Variants in ADAM18 observed in about 807,000 individuals in gnomAD.
The protein encoded by ADAM18 is disintegrin and metalloproteinase domain-containing protein 18.
A neutral mutation model predicts 94.4 loss-of-function variants in ADAM18; 117 were observed. The observed-to-expected ratio is 1.24, with a 90% CI of 1.07 to 1.45. The LOEUF (loss-of-function observed/expected upper bound fraction) is 1.45. Ranked by LOEUF, ADAM18 falls within the 40% of genes most tolerant of loss-of-function variation. ADAM18 has a pLI of 0.00. For missense variants in ADAM18, 936 were observed against 880.0 expected (o/e 1.06, Z -0.81); for synonymous variants, 327 against 291.6 (o/e 1.12, Z -1.24).
At chr8:39,626,954 C>CT (rs1358971639) in intron 6 of ADAM18, among the ~76,000 whole-genome samples, 1 of 152,084 alleles carries the variant, frequency 6.6e-6, no homozygotes, top group Non-Finnish European at 1.5e-5. Flanking sequence ...TCTTTGTTGA[C>CT]TTTCTGCCTT....
intron 16 of ADAM18, among the ~76,000 whole-genome samples, chr8:39,680,718 A>G (rs1821433848): frequency 6.6e-6 from 1 of 152,200 alleles, no homozygotes; most frequent in African/African-American, 2.4e-5. Context: ...ACTTCTATCT[A>G]TGTAGTCATA....
intron 17 of ADAM18, among the ~76,000 whole-genome samples, chr8:39,705,281 A>G (rs1471475743): frequency 3.3e-5 from 5 of 152,140 alleles, no homozygotes; most frequent in Non-Finnish European, 5.9e-5. Flanking sequence ...CGTAATCTCC[A>G]AAATATCACA....
At chr8:39,642,782 C>T (rs959123809) in intron 10 of ADAM18, among the ~76,000 whole-genome samples, 1 of 151,924 alleles carries the variant, frequency 6.6e-6, no homozygotes, top group African/African-American at 2.4e-5. Context: ...TTTGTGGTTC[C>T]ATATGAATTT....
intron 14 of ADAM18, among the ~76,000 whole-genome samples, chr8:39,673,686 G>A (rs1821219237): frequency 6.6e-6 from 1 of 152,028 alleles, no homozygotes. Flanking sequence ...GTTTACTCTT[G>A]CTTCTCTAGT....
intron 18 of ADAM18, among the ~76,000 whole-genome samples, chr8:39,710,979 C>G (rs1339311529): frequency 6.6e-6 from 1 of 152,160 alleles, no homozygotes; most frequent in Non-Finnish European, 1.5e-5. Context: ...GAAAGTCTGG[C>G]TCAGTGTAAA....
rs144266735 is a variant in ADAM18, at chr8:39,716,495, G to A, written c.2018-7253G>A. ...GTGTTTTGTTTCATTCCCACATTCT[G>A]TAAATTTTCAAGTTTTCCTTTTGCT... On this transcript the variant is annotated intron_variant, in intron 18 of 19. Transcript: ENST00000265707. 3.9e-5 allele frequency among the ~76,000 whole-genome samples: 6 copies of A among 151,956 alleles called. No individual in the cohort carries two copies. The East Asian group carries it at 1.2e-3, about 29-fold the overall frequency.
chr8:39,608,639 C>T (rs890619957), intron 3 of ADAM18, among the ~76,000 whole-genome samples: 7 of 152,038 alleles, frequency 4.6e-5, no homozygotes, highest in African/African-American at 1.4e-4. Context: ...ACCACCCTCC[C>T]CAGGCCTTAT....
intron 2 of ADAM18, among the ~76,000 whole-genome samples, chr8:39,593,032 C>T (rs1818622748): frequency 6.6e-6 from 1 of 152,166 alleles, no homozygotes; most frequent in Non-Finnish European, 1.5e-5. Flanking sequence ...CTTGCTGCAT[C>T]ACCTTGCATT....
chr8:39,696,585 A>T (rs1486532106), intron 17 of ADAM18, among the ~76,000 whole-genome samples: 2 of 151,444 alleles, frequency 1.3e-5, no homozygotes, highest in African/African-American at 4.8e-5. Context: ...ATATTTTTAC[A>T]TATGGATATA....
chr8:39,586,287 T>A (rs1818389466), intron 2 of ADAM18, among the ~76,000 whole-genome samples: 1 of 152,240 alleles, frequency 6.6e-6, no homozygotes, highest in Non-Finnish European at 1.5e-5. Context: ...TATCACATTA[T>A]CCTTCTGAAA....
intron 13 of ADAM18, among the ~76,000 whole-genome samples, chr8:39,666,629 G>A (rs1238614624): frequency 6.6e-6 from 1 of 152,184 alleles, no homozygotes; most frequent in South Asian, 2.1e-4. Context: ...ATGGTGGAAG[G>A]TGAAAGGCAC....
At chr8:39,661,390 G>A (rs143167144) in intron 12 of ADAM18, among the ~76,000 whole-genome samples, 20 of 142,254 alleles carry the variant, frequency 1.4e-4, no homozygotes, top group African/African-American at 5.1e-4. Context: ...TAGCCAGGAT[G>A]GTCTCTATCT....
chr8:39,610,435 T>C (rs1819236540), intron 5 of ADAM18, 94 bp from the exon 6 acceptor site: 3 of 1,375,848 alleles, frequency 2.2e-6, no homozygotes, highest in African/African-American at 1.5e-5. Context: ...TTTAGTATAG[T>C]TTTTTAATTT....
At chr8:39,686,138 A>G (rs1026795084) in intron 16 of ADAM18, among the ~76,000 whole-genome samples, 12 of 152,282 alleles carry the variant, frequency 7.9e-5, no homozygotes, top group Admixed American at 3.3e-4. Context: ...TTTTCTAGCA[A>G]GCACTTCCAA....
At chr8:39,702,202 C>G (rs1299682809) in intron 17 of ADAM18, among the ~76,000 whole-genome samples, 3 of 152,154 alleles carry the variant, frequency 2.0e-5, no homozygotes, top group Non-Finnish European at 4.4e-5. Context: ...GAAATGGTAT[C>G]TCATTGTGGT....
intron 18 of ADAM18, among the ~76,000 whole-genome samples, chr8:39,713,049 G>A (rs370635701): frequency 4.6e-5 from 7 of 152,042 alleles, no homozygotes; most frequent in Non-Finnish European, 1.0e-4. Flanking sequence ...ATACTACAAG[G>A]TTACAGTAAC....
chr8:39,615,185 A>AATC (rs1819401254), intron 6 of ADAM18, among the ~76,000 whole-genome samples: 1 of 152,098 alleles, frequency 6.6e-6, no homozygotes, highest in African/African-American at 2.4e-5. Context: ...TGTACTCTAA[A>AATC]ATCAACCACA....
rs565028629 is a variant in ADAM18, at chr8:39,635,510, C to T, written c.589-1754C>T. ...GTAAAGATTCTTTTCACAACTTCTCCTAAGTTAACTTCTTATATAATCATA... is the reference window on the plus strand; with the variant it reads ...GTAAAGATTCTTTTCACAACTTCTCTTAAGTTAACTTCTTATATAATCATA... On this transcript the variant is annotated intron_variant, in intron 7 of 19. Transcript: ENST00000265707. 7.2e-5 allele frequency among the ~76,000 whole-genome samples: 11 copies of T among 152,118 alleles called. No individual in the cohort carries two copies. The East Asian group carries it at 1.9e-3, about 27-fold the overall frequency.
chr8:39,638,759 C>G (rs897512869), intron 10 of ADAM18, among the ~76,000 whole-genome samples: 1 of 151,568 alleles, frequency 6.6e-6, no homozygotes, highest in Non-Finnish European at 1.5e-5. Flanking sequence ...GTGAACAAAC[C>G]TTAGTGTAAT....
Sources: gnomAD v4.1 joint callset for allele counts (sites outside exome capture counted in the v4.1 genomes callset) on GRCh38, gnomAD v4.1.1 for gene constraint, MANE v1.5 for transcripts, NCBI Gene and HGNC (gene_info 2026-07-23, HGNC 2026-07-21) for gene names.